ZNF804B: variants seen among roughly 807,000 people sequenced by gnomAD.
The protein encoded by ZNF804B is zinc finger 804B.
Under a neutral mutation model 101.4 loss-of-function variants are expected in ZNF804B, and 80 were observed. The observed-to-expected ratio is 0.79, with a 90% confidence interval of 0.66 to 0.95. ZNF804B has a LOEUF of 0.95. Among genes scored for constraint, ZNF804B ranks in the 40% least tolerant of loss-of-function variants. The probability of loss-of-function intolerance (pLI) is 0.00; values close to 1 mark genes in which losing one functional copy is unlikely to be tolerated. For synonymous variants in ZNF804B, 622 were observed against 558.8 expected (o/e 1.11, Z -1.59); for missense variants, 1,673 against 1,561.9 (o/e 1.07, Z -1.20).
chr7:89,099,254 A>G (rs1387596950), intron 1 of ZNF804B, among the ~76,000 whole-genome samples: 1 of 152,048 alleles, frequency 6.6e-6, no homozygotes, highest in Non-Finnish European at 1.5e-5. Flanking sequence ...TCACTACTAT[A>G]TCATAACTTG....
At chr7:89,111,095 T>C (rs1431753570) in intron 1 of ZNF804B, among the ~76,000 whole-genome samples, 1 of 152,210 alleles carries the variant, frequency 6.6e-6, no homozygotes, top group Non-Finnish European at 1.5e-5. Context: ...TAATATTCTG[T>C]TGGCTGGATA....
At chr7:89,243,740 A>G (rs2115769302) in intron 2 of ZNF804B, among the ~76,000 whole-genome samples, 1 of 151,410 alleles carries the variant, frequency 6.6e-6, no homozygotes, top group East Asian at 1.9e-4. Context: ...GGGGAAAGTC[A>G]TATTTTGTTT....
intron 1 of ZNF804B, among the ~76,000 whole-genome samples, chr7:89,022,334 A>G (rs938623617): frequency 6.6e-6 from 1 of 152,272 alleles, no homozygotes; most frequent in South Asian, 2.1e-4. Flanking sequence ...TACATTACGA[A>G]CTTTTAAATA....
chr7:88,904,103 T>C (rs1473834281), intron 1 of ZNF804B, among the ~76,000 whole-genome samples: 1 of 152,210 alleles, frequency 6.6e-6, no homozygotes, highest in East Asian at 1.9e-4. Context: ...TTTAAATCTT[T>C]AATCCATCTT....
At chr7:89,295,059 C>A (rs1790360195) in intron 2 of ZNF804B, among the ~76,000 whole-genome samples, 1 of 151,982 alleles carries the variant, frequency 6.6e-6, no homozygotes, top group Non-Finnish European at 1.5e-5. Context: ...TTTGAGAATT[C>A]CTGCTGCCTA....
intron 1 of ZNF804B, among the ~76,000 whole-genome samples, chr7:89,023,157 T>C (rs1437890753): frequency 6.6e-6 from 1 of 152,214 alleles, no homozygotes; most frequent in African/African-American, 2.4e-5. Flanking sequence ...AATATTTGAA[T>C]AGATGGGTGG....
At chr7:89,153,357 G>C (rs1790905826) in intron 1 of ZNF804B, among the ~76,000 whole-genome samples, 1 of 151,422 alleles carries the variant, frequency 6.6e-6, no homozygotes, top group Non-Finnish European at 1.5e-5. Flanking sequence ...TCTTGTGGCA[G>C]TCAGGGACCG....
chr7:89,055,138 T>C (rs1422627202), intron 1 of ZNF804B, among the ~76,000 whole-genome samples: 1 of 152,054 alleles, frequency 6.6e-6, no homozygotes, highest in Admixed American at 6.6e-5. Flanking sequence ...AAGGTTAATT[T>C]TGAGGGATGA....
intron 1 of ZNF804B, among the ~76,000 whole-genome samples, chr7:89,165,408 A>G (rs1334460747): frequency 6.6e-6 from 1 of 151,740 alleles, no homozygotes; most frequent in Non-Finnish European, 1.5e-5. Flanking sequence ...ATAAAATGAT[A>G]AAATTGTATT....
intron 1 of ZNF804B, among the ~76,000 whole-genome samples, chr7:89,023,000 T>A (rs1320245224): frequency 1.3e-5 from 2 of 152,194 alleles, no homozygotes; most frequent in African/African-American, 2.4e-5. Context: ...TAAATACATT[T>A]AGAGAAGTTA....
intron 1 of ZNF804B, among the ~76,000 whole-genome samples, chr7:88,772,898 G>C (rs1790090226): frequency 6.6e-6 from 1 of 152,118 alleles, no homozygotes; most frequent in Non-Finnish European, 1.5e-5. Flanking sequence ...TAAAGGTGGG[G>C]GGAAGGTCTT....
intron 1 of ZNF804B, among the ~76,000 whole-genome samples, chr7:89,132,204 A>G (rs1179200927): frequency 6.7e-6 from 1 of 148,424 alleles, no homozygotes; most frequent in Non-Finnish European, 1.5e-5. Context: ...ACACACACAC[A>G]GTTTGATGCA....
chr7:89,093,471 T>C (rs1789925229), intron 1 of ZNF804B, among the ~76,000 whole-genome samples: 1 of 152,238 alleles, frequency 6.6e-6, no homozygotes, highest in African/African-American at 2.4e-5. Flanking sequence ...AAAAAATTTG[T>C]ATACATCAAG....
intron 2 of ZNF804B, among the ~76,000 whole-genome samples, chr7:89,220,159 A>T (rs532001178): frequency 7.6e-6 from 1 of 132,256 alleles, no homozygotes; most frequent in South Asian, 2.3e-4. Flanking sequence ...ACATATATAT[A>T]TACGCACATA....
At chr7:88,925,322 C>T (rs570872400) in intron 1 of ZNF804B, among the ~76,000 whole-genome samples, 5 of 152,194 alleles carry the variant, frequency 3.3e-5, no homozygotes, top group Middle Eastern at 3.4e-3. Context: ...GAATCTTGTT[C>T]CCCCAAATTC....
chr7:88,838,071 G>A (rs6465164), intron 1 of ZNF804B, among the ~76,000 whole-genome samples: 26,391 of 151,242 alleles, frequency 0.17, 2,387 homozygotes, highest in African/African-American at 0.24. Flanking sequence ...TTAATTTCAG[G>A]GTATTAAGGG....
intron 1 of ZNF804B, among the ~76,000 whole-genome samples, chr7:89,006,941 A>C (rs1269192230): frequency 6.6e-6 from 1 of 152,130 alleles, no homozygotes; most frequent in Non-Finnish European, 1.5e-5. Flanking sequence ...TCAATACTGC[A>C]CTGGGCAGGT....
At chr7:88,818,910 T>C (rs904229981) in intron 1 of ZNF804B, among the ~76,000 whole-genome samples, 2 of 152,214 alleles carry the variant, frequency 1.3e-5, no homozygotes, top group East Asian at 1.9e-4. Flanking sequence ...CTTGTTGTTG[T>C]ACTACTATGT....
At chr7:88,958,822 G>A (rs1345364224) in intron 1 of ZNF804B, among the ~76,000 whole-genome samples, 1 of 151,388 alleles carries the variant, frequency 6.6e-6, no homozygotes, top group African/African-American at 2.4e-5. Flanking sequence ...GATAGTGTTG[G>A]GAGGAATTCT....
Sources: allele counts gnomAD v4.1 joint callset (sites outside exome capture counted in the v4.1 genomes callset), GRCh38; gene constraint gnomAD v4.1.1; transcripts MANE v1.5; gene names NCBI Gene and HGNC (gene_info 2026-07-23, HGNC 2026-07-21).